The following CD300LF variants were observed in gnomAD, a reference collection of about 807,000 sequenced individuals.
CD300LF encodes the protein CMRF35-like molecule 1.
A neutral mutation model predicts 32.2 loss-of-function variants in CD300LF; 27 were observed. That is an observed-to-expected ratio of 0.84 (90% confidence interval 0.62 to 1.15). The LOEUF is 1.15. Among genes scored for constraint, CD300LF ranks in the 50% most tolerant of loss-of-function variants. CD300LF has a pLI of 0.00. For synonymous variants in CD300LF, 139 were observed against 143.2 expected, an observed-to-expected ratio of 0.97 and a Z score of 0.21; for missense variants, 348 against 356.8, an observed-to-expected ratio of 0.98 and a Z score of 0.20.
chr17:74,695,657 A>G, intron 6 of CD300LF, 68 bp downstream of exon 6: 3 of 1,608,030 alleles, frequency 1.9e-6, no homozygotes, highest in Non-Finnish European at 2.6e-6. Context: ...CCCACCCTCC[A>G]ACGGGGTGCA....
intron 1 of CD300LF, among the ~76,000 whole-genome samples, chr17:74,705,975 A>G (rs1208612476): frequency 2.0e-5 from 3 of 152,180 alleles, no homozygotes; most frequent in African/African-American, 7.2e-5. Context: ...CCATTATCCT[A>G]AGTGAATTAA....
intron 6 of CD300LF, 65 bp from the exon 7 acceptor site, chr17:74,695,316 G>A: frequency 6.3e-7 from 1 of 1,584,340 alleles, no homozygotes; most frequent in East Asian, 2.2e-5. Context: ...GGGCAGAGGA[G>A]CCCTCGGAGG....
At chr17:74,711,810 T>C (rs1015177906) in intron 1 of CD300LF, among the ~76,000 whole-genome samples, 4 of 152,160 alleles carry the variant, frequency 2.6e-5, no homozygotes, top group African/African-American at 9.6e-5. Context: ...CACTGTAACA[T>C]ATCATCTTGT....
Position 74,696,147 on chromosome 17 carries a change from G to A in CD300LF, c.582+48C>T, listed in dbSNP as rs776664536. The A allele has an allele frequency of 2.6e-5, 41 of 1,575,192 alleles. No individual in the cohort carries two copies. The South Asian group carries it at 4.0e-4, about 15-fold the overall frequency. On this transcript the variant is annotated intron_variant, in intron 5 of 6. Coordinates refer to ENST00000326165, the MANE Select transcript of CD300LF (RefSeq NM_139018.5). Reference sequence around the variant, plus strand: ...CTGAGAGATGGAAAATGAGGAAGGGGAAAGAAGCTGCCTGGTCTCTCTGGT... The same window carrying A: ...CTGAGAGATGGAAAATGAGGAAGGGAAAAGAAGCTGCCTGGTCTCTCTGGT...
intron 3 of CD300LF, among the ~76,000 whole-genome samples, chr17:74,701,707 G>A (rs766183733): frequency 2.6e-5 from 4 of 152,154 alleles, no homozygotes; most frequent in South Asian, 2.1e-4. Flanking sequence ...AAAATTGGCC[G>A]GGCATGGTGG....
At chr17:74,698,631 C>T (rs999282832) in intron 3 of CD300LF, 150 bp from the exon 4 acceptor site, 1 of 1,476,078 alleles carries the variant, frequency 6.8e-7, no homozygotes, top group Non-Finnish European at 9.0e-7. Context: ...CCTGGGGATC[C>T]TCAAAGATGG....
chr17:74,695,349 C>T, intron 6 of CD300LF, 98 bp from the exon 7 acceptor site: 4 of 1,439,796 alleles, frequency 2.8e-6, no homozygotes, highest in Non-Finnish European at 3.8e-6. Context: ...ATGGACCATT[C>T]AGGGCTTCTA....
intron 1 of CD300LF, among the ~76,000 whole-genome samples, chr17:74,711,911 T>C (rs956076156): frequency 1.0e-4 from 15 of 148,856 alleles, no homozygotes; most frequent in Admixed American, 6.7e-4. Context: ...TTTTTCTTTT[T>C]TTTTTTTTTT....
chr17:74,708,515 C>A (rs1342860850), intron 1 of CD300LF, among the ~76,000 whole-genome samples: 1 of 152,110 alleles, frequency 6.6e-6, no homozygotes, highest in Non-Finnish European at 1.5e-5. Flanking sequence ...ATGCAAAAAC[C>A]TGAAACAAAA....
At chr17:74,697,353 C>G (rs1473134911) in intron 4 of CD300LF, among the ~76,000 whole-genome samples, 2 of 152,122 alleles carry the variant, frequency 1.3e-5, no homozygotes, top group African/African-American at 4.8e-5. Flanking sequence ...CTAGGGACAA[C>G]AAAGAAATGG....
chr17:74,699,739 C>T (rs368861053), intron 3 of CD300LF, among the ~76,000 whole-genome samples: 4 of 152,136 alleles, frequency 2.6e-5, no homozygotes, highest in Admixed American at 2.0e-4. Flanking sequence ...TTGAGCCACT[C>T]GTAACGGCGG....
chr17:74,702,915 T>A (rs534442195), intron 3 of CD300LF, 120 bp downstream of exon 3: 1 of 802,074 alleles, frequency 1.2e-6, no homozygotes, highest in African/African-American at 1.7e-5. Context: ...AGCTTCCTCA[T>A]CCTCACCAAG....
rs368339468 is a variant in CD300LF, at chr17:74,704,486, A to G, written c.374T>C (p.Ile125Thr). Residue 125 changes from isoleucine to threonine, a missense_variant, in exon 2 of 7, where the codon ATT becomes ACT. Coordinates refer to ENST00000326165, the MANE Select transcript of CD300LF (RefSeq NM_139018.5). ...TATACACTCCCTCTTACCTGGGTCA[A>G]TGGTCACTTGAACTGTGACCCCAAG... ...NDLGVTVQVT[I>T]DPAPVTQEET... 2.5e-6 allele frequency: 4 copies of G among 1,610,854 alleles called. No homozygotes were observed. The highest frequency in any genetic ancestry group is 8.5e-7 in the Non-Finnish European group (1 of 1,177,660).
chr17:74,697,380 T>C (rs1435169423), intron 4 of CD300LF, among the ~76,000 whole-genome samples: 1 of 152,164 alleles, frequency 6.6e-6, no homozygotes, highest in African/African-American at 2.4e-5. Flanking sequence ...TTCCCCTGGT[T>C]TCAAAAGTCT....
rs1034373966 is a variant in CD300LF, at chr17:74,709,765, G to T, written c.43+3059C>A. ...GTATTTTTTTTTTTGGAGAGACAAG[G>T]TCTCACTTTGTTGCCCAAGCTGGTC... On this transcript the variant is annotated intron_variant, in intron 1 of 6. Transcript: ENST00000326165. Among the ~76,000 whole-genome samples the T allele has an allele frequency of 7.9e-5, 12 of 151,944 alleles. No homozygotes were observed. The East Asian group carries it at 1.2e-3, about 15-fold the overall frequency.
At chr17:74,700,979 G>A (rs1012588992) in intron 3 of CD300LF, among the ~76,000 whole-genome samples, 12 of 152,106 alleles carry the variant, frequency 7.9e-5, no homozygotes, top group African/African-American at 2.9e-4. Context: ...ACAGACACAC[G>A]CAGAGGGACG....
intron 4 of CD300LF, among the ~76,000 whole-genome samples, chr17:74,696,949 G>A (rs944552477): frequency 6.6e-6 from 1 of 151,874 alleles, no homozygotes; most frequent in Non-Finnish European, 1.5e-5. Flanking sequence ...GTTTGGTTTG[G>A]TTTGGTTTTG....
At chr17:74,703,471 G>A (rs1480926231) in intron 2 of CD300LF, among the ~76,000 whole-genome samples, 1 of 152,134 alleles carries the variant, frequency 6.6e-6, no homozygotes, top group Non-Finnish European at 1.5e-5. Context: ...TCCACCCCCA[G>A]CCCTATTTAT....
chr17:74,708,724 G>A (rs1433311373), intron 1 of CD300LF, among the ~76,000 whole-genome samples: 2 of 152,138 alleles, frequency 1.3e-5, no homozygotes, highest in Non-Finnish European at 2.9e-5. Flanking sequence ...AGACCATCCT[G>A]GCTAACACGG....
Sources: allele counts gnomAD v4.1 joint callset (sites outside exome capture counted in the v4.1 genomes callset), GRCh38; gene constraint gnomAD v4.1.1; transcripts MANE v1.5; gene names NCBI Gene and HGNC (gene_info 2026-07-23, HGNC 2026-07-21).